Variants in CR2 observed in about 807,000 individuals in gnomAD.
CR2 encodes the protein complement C3d receptor 2, also known as complement receptor type 2.
A neutral mutation model predicts 123.0 loss-of-function variants in CR2; 96 were observed. The observed-to-expected ratio is 0.78, with a 90% CI of 0.66 to 0.93. The LOEUF (loss-of-function observed/expected upper bound fraction) is 0.93. Ranked by LOEUF, CR2 falls within the 40% of genes least tolerant of loss-of-function variation. The pLI is 0.00. For synonymous variants in CR2, 484 were observed against 469.5 expected, an observed-to-expected ratio of 1.03 and a Z score of -0.40; for missense variants, 1,258 against 1,361.0, an observed-to-expected ratio of 0.92 and a Z score of 1.19.
chr1:207,485,321 G>T, intron 18 of CR2, 143 bp from the exon 19 acceptor site: 1 of 629,142 alleles, frequency 1.6e-6, no homozygotes, highest in South Asian at 1.7e-5. Flanking sequence ...ATGTATCCCA[G>T]AACTTAAAGT....
chr1:207,473,947 C>T, intron 12 of CR2, 62 bp downstream of exon 12: 1 of 1,479,128 alleles, frequency 6.8e-7, no homozygotes, highest in Non-Finnish European at 9.4e-7. Flanking sequence ...ATTAACTTGA[C>T]CTTCAACTTG....
rs1658318048 is a variant in CR2, at chr1:207,472,793, C to T, written c.1592C>T (p.Pro531Leu). The T allele has an allele frequency of 1.2e-6, 2 of 1,613,910 alleles. No homozygotes were observed. Among genetic ancestry groups the T allele is most frequent in the African/African-American group, 2.7e-5 (2 of 75,012 alleles). Residue 531 changes from proline to leucine, a missense_variant, in exon 10 of 20, where the codon CCT becomes CTT. Physicochemically the swap from Pro to Leu is moderately conservative, Grantham distance 98 (BLOSUM62 -3). Transcript: ENST00000367057. The stretch of plus-strand genomic sequence containing the variant: ...CTAGAAATCACCTGCCCACCACCCC[C>T]TGTTATCTACAATGGGGCACACACC... ...LCKEITCPPP[P>L]VIYNGAHTGS...
In CR2 at chr1:207,489,514, T is replaced by C. The variant is rs1658831835; in HGVS notation, c.*391T>C. On this transcript the variant is annotated 3_prime_UTR_variant, in exon 20 of 20. Transcript: ENST00000367057. ...CAATGTTACTATCTGCTTTTGGTTA[T>C]AATGTGTTTTTAATTATCTAAAGTA... is the stretch of plus-strand genomic sequence containing the variant. 6.6e-6 allele frequency: 1 copy of C among 152,254 alleles called. No homozygotes were observed. The highest frequency in any genetic ancestry group is 2.4e-5 in the African/African-American group (1 of 41,468). The allele number at this position is 152,254 out of a possible 1,614,324, so 9.4% of individuals were successfully genotyped here.
At chr1:207,488,888 G>A (rs1270005414) in intron 19 of CR2, among the ~76,000 whole-genome samples, 1 of 152,100 alleles carries the variant, frequency 6.6e-6, no homozygotes, top group Non-Finnish European at 1.5e-5. Context: ...TTATGAATGA[G>A]AAAGATTAGT....
chr1:207,475,532 A>G lies in CR2; in HGVS notation c.2716+316A>G, dbSNP rs189569885. 2.8e-3 allele frequency among the ~76,000 whole-genome samples: 434 copies of G among 152,338 alleles called. 6 individuals carry two copies. Among genetic ancestry groups the G allele is most frequent in the Admixed American group, 0.018 (276 of 15,290 alleles). On this transcript the variant is annotated intron_variant, in intron 14 of 19. Transcript: ENST00000367057. ...CATACATTTTTGGCAAATGTTTGGC[A>G]GTAATATTGCTAATTATTTGATATT...
chr1:207,466,606 A>G lies in CR2; in HGVS notation c.139A>G (p.Ile47Val). The G allele has an allele frequency of 6.2e-7, 1 of 1,614,016 alleles. No individual in the cohort carries two copies. The highest frequency in any genetic ancestry group is 8.5e-7 in the Non-Finnish European group (1 of 1,179,890). ...TACCCCCATTGCTGTTGGTACCGTG[A>G]TAAGGTACAGTTGTTCAGGTACCTT... ...YSTPIAVGTV[I>V]RYSCSGTFRL... The change falls in exon 2 of 20, where the codon ATA becomes GTA. Residue 47 changes from isoleucine to valine, a missense_variant. Transcript: ENST00000367057.
chr1:207,488,252 G>A (rs557646836), intron 19 of CR2, among the ~76,000 whole-genome samples: 2 of 152,180 alleles, frequency 1.3e-5, no homozygotes, highest in Admixed American at 1.3e-4. Flanking sequence ...CTTGGGCAAG[G>A]TCTCAGGGTC....
In CR2 at chr1:207,466,779, C is replaced by A; in HGVS notation, c.312C>A (p.Gly104=). The A allele has an allele frequency of 6.2e-7, 1 of 1,613,716 alleles. No individual in the cohort carries two copies. The highest frequency in any genetic ancestry group is 1.1e-5 in the South Asian group (1 of 91,050). ...PIVPGGYKIR[G]STPYRHGDSV... Reference sequence around the variant, plus strand: ...TACCAGGAGGATACAAAATTAGAGGCTCTACACCCTACAGACATGGTGATT... The same window carrying A: ...TACCAGGAGGATACAAAATTAGAGGATCTACACCCTACAGACATGGTGATT... Residue 104 remains glycine, a synonymous_variant, in exon 2 of 20, where the codon GGC becomes GGA. Transcript: ENST00000367057.
chr1:207,465,487 G>A (rs1482457868), intron 1 of CR2, among the ~76,000 whole-genome samples: 1 of 151,996 alleles, frequency 6.6e-6, no homozygotes, highest in Non-Finnish European at 1.5e-5. Flanking sequence ...CTGTCTTCTG[G>A]AATGCAGACC....
rs201463658 is a variant in CR2 at position 207,471,441 on chromosome 1, T to C, written c.1512T>C (p.Ser504=). The change falls in exon 9 of 20, where the codon AGT becomes AGC. Residue 504 remains serine, a synonymous_variant. Transcript: ENST00000367057. ...TCTCTAGGTACAAGTTAAGTGGGAGTGTTTATCAGGAGTGTCAAGGCACAA... is the reference window on the plus strand; with the variant it reads ...TCTCTAGGTACAAGTTAAGTGGGAGCGTTTATCAGGAGTGTCAAGGCACAA... ...SCGEGYKLSG[S]VYQECQGTIP... 6.2e-7 allele frequency: 1 copy of C among 1,612,526 alleles called. No homozygotes were observed. The highest frequency in any genetic ancestry group is 1.7e-5 in the Admixed American group (1 of 59,954).
chr1:207,467,972 C>A (rs1400172588), intron 2 of CR2, among the ~76,000 whole-genome samples: 1 of 151,708 alleles, frequency 6.6e-6, no homozygotes, highest in African/African-American at 2.4e-5. Flanking sequence ...ACTTTTGGAA[C>A]AGAGAATAAG....
chr1:207,488,665 G>A (rs1658813269), intron 19 of CR2, among the ~76,000 whole-genome samples: 1 of 151,970 alleles, frequency 6.6e-6, no homozygotes, highest in East Asian at 1.9e-4. Flanking sequence ...TGTCCTCTTG[G>A]AACTTATTTT....
At position 207,469,232 on chromosome 1, in the gene CR2, G is replaced by A; in HGVS notation, c.817G>A (p.Glu273Lys). The A allele has an allele frequency of 6.2e-7, 1 of 1,612,750 alleles. No homozygotes were observed. The highest frequency in any genetic ancestry group is 1.1e-5 in the South Asian group (1 of 91,056). The change falls in exon 5 of 20, where the codon GAA becomes AAA. Residue 273 changes from glutamate to lysine, a missense_variant and splice_region_variant. By Grantham distance (56) the Glu-to-Lys change is moderately conservative. Coordinates refer to ENST00000367057, the MANE Select transcript of CR2 (RefSeq NM_001006658.3). ...TTGGACCAAAATGCCAGTATGTGAA[G>A]GTAGGCTAGGCAACTATGGTCTGAC... ...VAWTKMPVCE[E>K]IFCPSPPPIL...
chr1:207,472,959 G>C lies in CR2; in HGVS notation c.1758G>C (p.Trp586Cys), dbSNP rs1276841591. Reference sequence around the variant, plus strand: ...GCAATGATCAAGAAAGAGGCACCTGGAGTGGCCCTGCTCCCCTGTGTAAAC... The same window carrying C: ...GCAATGATCAAGAAAGAGGCACCTGCAGTGGCCCTGCTCCCCTGTGTAAAC... ...CTSNDQERGTWSGPAPLCKLS... is the reference protein window; with the variant it reads ...CTSNDQERGTCSGPAPLCKLS... The change falls in exon 10 of 20, where the codon TGG (tryptophan) becomes TGC (cysteine). Residue 586 changes from tryptophan (W) to cysteine (C), a missense_variant. Transcript: ENST00000367057. 4 of 1,613,900 alleles carry C rather than the reference G, an allele frequency of 2.5e-6. No individual in the cohort carries two copies. Among genetic ancestry groups the C allele is most frequent in the Admixed American group, 1.7e-5 (1 of 59,962 alleles).
At chr1:207,479,668 T>C (rs1658550251) in intron 17 of CR2, among the ~76,000 whole-genome samples, 1 of 152,196 alleles carries the variant, frequency 6.6e-6, no homozygotes. Context: ...ATTCTTGAGA[T>C]TTCTCTCTTG....
At chr1:207,475,276 T>G (rs1031035716) in intron 14 of CR2, 60 bp downstream of exon 14, 2 of 1,573,736 alleles carry the variant, frequency 1.3e-6, no homozygotes, top group African/African-American at 2.7e-5. Flanking sequence ...AAAGAGGTTT[T>G]GAATCTGCAC....
chr1:207,466,180 C>T (rs1339263211), intron 1 of CR2, among the ~76,000 whole-genome samples: 2 of 152,180 alleles, frequency 1.3e-5, no homozygotes, highest in Non-Finnish European at 2.9e-5. Flanking sequence ...TTCCCTAATC[C>T]ATGGTACCTC....
chr1:207,474,801 A>G (rs776240681), intron 13 of CR2, 23 bp from the exon 14 acceptor site: 1 of 1,613,650 alleles, frequency 6.2e-7, no homozygotes, highest in South Asian at 1.1e-5. Context: ...GCTGAAGTAG[A>G]ACTCCCTAAA....
chr1:207,487,484 AAGG>A (rs1398511923), intron 19 of CR2, among the ~76,000 whole-genome samples: 1 of 152,212 alleles, frequency 6.6e-6, no homozygotes, highest in East Asian at 1.9e-4. Context: ...TGAAGAGAGG[AAGG>A]AGGCAGGAGC....
Sources: allele counts gnomAD v4.1 joint callset (sites outside exome capture counted in the v4.1 genomes callset), GRCh38; gene constraint gnomAD v4.1.1; transcripts MANE v1.5; gene names NCBI Gene and HGNC (gene_info 2026-07-23, HGNC 2026-07-21).